The following LCOR variants were observed in gnomAD, a reference collection of about 807,000 sequenced individuals.
The protein encoded by LCOR is ligand dependent nuclear receptor corepressor.
A neutral mutation model predicts 64.4 loss-of-function variants in LCOR; 14 were observed. The ratio of observed to expected loss-of-function variants is 0.22; its 90% CI spans 0.14 to 0.34. The LOEUF is 0.34. LCOR is among the 10% of genes least tolerant of loss of function. LCOR has a pLI of 1.00. For synonymous variants in LCOR, 643 were observed against 642.5 expected (o/e 1.00, Z -0.01); for missense variants, 1,686 against 1,765.3 (o/e 0.96, Z 0.80).
In LCOR at chr10:96,990,447, G is replaced by A. The variant is rs1216257978; in HGVS notation, c.*5313G>A. ...GAGGTCTCACTGTGTTGCCCAGACT[G>A]GGAAGTCTTTTGAGGCAGCCTTCAA... On this transcript the variant is annotated 3_prime_UTR_variant, in exon 8 of 8. Coordinates refer to ENST00000421806, the MANE Select transcript of LCOR (RefSeq NM_001346516.2). The A allele has an allele frequency of 6.6e-6, 1 of 151,796 alleles. No homozygotes were observed. Among genetic ancestry groups the A allele is most frequent in the East Asian group, 1.9e-4 (1 of 5,182 alleles). The allele number at this position is 151,796 out of a possible 1,614,324, so 9.4% of individuals were successfully genotyped here. A position where few individuals can be genotyped will look rare whatever the true frequency, so the allele number is the denominator to read the frequency against.
intron 2 of LCOR, among the ~76,000 whole-genome samples, chr10:96,843,021 G>C (rs1200540956): frequency 6.6e-6 from 1 of 152,204 alleles, no homozygotes; most frequent in Non-Finnish European, 1.5e-5. Flanking sequence ...CACAGATTCA[G>C]TTTGATGATC....
Position 96,981,006 on chromosome 10 carries a change from G to C in LCOR, c.546G>C (p.Gln182His). 1.4e-6 allele frequency: 1 copy of C among 703,012 alleles called. No homozygotes were observed. The highest frequency in any genetic ancestry group is 1.5e-5 in the South Asian group (1 of 67,580). The allele number at this position is 703,012 out of a possible 1,614,324, so 43.5% of individuals were successfully genotyped here. The change falls in exon 8 of 8, where the codon CAG (glutamine) becomes CAC (histidine). Residue 182 changes from glutamine (Q) to histidine (H), a missense_variant. Around this residue, in one of 3 missense-constraint regions of LCOR, gnomAD observed 313 missense variants for 247.2 expected, o/e 1.27. Coordinates refer to ENST00000421806, the MANE Select transcript of LCOR (RefSeq NM_001346516.2). ...CCACTTGCAATGCTGGCTGTGCCCA[G>C]CTCAGCACCAAACATAAGGAAAAAG... is the stretch of plus-strand genomic sequence containing the variant. The part of the protein sequence containing the change: ...DVSTCNAGCA[Q>H]LSTKHKEKDA...
chr10:96,885,053 A>T (rs761590799), intron 2 of LCOR, among the ~76,000 whole-genome samples: 1 of 152,168 alleles, frequency 6.6e-6, no homozygotes, highest in Non-Finnish European at 1.5e-5. Flanking sequence ...TACTTCTCTG[A>T]ATAGTTTGGT....
chr10:96,968,541 T>G (rs1422150590), intron 7 of LCOR, among the ~76,000 whole-genome samples: 2 of 152,180 alleles, frequency 1.3e-5, no homozygotes, highest in Non-Finnish European at 2.9e-5. Context: ...TCAGCATTAA[T>G]AGGTGACTTT....
At position 96,954,805 on chromosome 10, in the gene LCOR, A is replaced by AT. The variant is rs959911653; in HGVS notation, c.332+2619dup. The AT allele has an allele frequency of 3.4e-3, 1,654 of 485,302 alleles. 2 individuals carry two copies. The highest frequency in any genetic ancestry group is 0.015 in the East Asian group (413 of 28,210). The allele number at this position is 485,302 out of a possible 1,614,324, so 30.1% of individuals were successfully genotyped here. On this transcript the variant is annotated intron_variant, in intron 7 of 7. Coordinates refer to ENST00000421806, the MANE Select transcript of LCOR (RefSeq NM_001346516.2). ...AGTTTTAAAACTAACTGCTGAGACCATTTTTTTTTTAATTTTAGAGAAAAA... is the reference window on the plus strand; with the variant it reads ...AGTTTTAAAACTAACTGCTGAGACCATTTTTTTTTTTAATTTTAGAGAAAAA...
intron 4 of LCOR, among the ~76,000 whole-genome samples, chr10:96,921,849 A>G (rs1235030526): frequency 6.6e-6 from 1 of 152,186 alleles, no homozygotes; most frequent in Non-Finnish European, 1.5e-5. Context: ...TCGTGTTGGT[A>G]CCCTTGTAGG....
chr10:96,915,020 A>G (rs1428272983), intron 4 of LCOR, among the ~76,000 whole-genome samples: 1 of 152,162 alleles, frequency 6.6e-6, no homozygotes, highest in Non-Finnish European at 1.5e-5. Context: ...CTATACCACA[A>G]GGCTTTTGTG....
At chr10:96,918,231 G>A (rs1032543120) in intron 4 of LCOR, among the ~76,000 whole-genome samples, 8 of 152,068 alleles carry the variant, frequency 5.3e-5, no homozygotes, top group Non-Finnish European at 8.8e-5. Context: ...TGTCTTCCTG[G>A]CCCCATACTC....
intron 4 of LCOR, chr10:96,915,955 C>G (rs965600726): frequency 1.5e-5 from 5 of 328,674 alleles, no homozygotes; most frequent in African/African-American, 2.1e-5. Flanking sequence ...TGCAGTGGTG[C>G]GTGGCCTTTG....
At chr10:96,912,776 T>C (rs1589650926) in intron 4 of LCOR, among the ~76,000 whole-genome samples, 1 of 152,094 alleles carries the variant, frequency 6.6e-6, no homozygotes, top group Admixed American at 6.5e-5. Context: ...TTGATGAACA[T>C]TGCCTGAAAA....
At chr10:96,897,024 CT>C (rs1160577805) in intron 2 of LCOR, among the ~76,000 whole-genome samples, 1 of 141,022 alleles carries the variant, frequency 7.1e-6, no homozygotes, top group African/African-American at 2.7e-5. Context: ...TTTGTTTTTA[CT>C]TAGTTAACTC....
chr10:96,887,661 G>A (rs2134427569), intron 2 of LCOR, among the ~76,000 whole-genome samples: 1 of 150,974 alleles, frequency 6.6e-6, no homozygotes, highest in South Asian at 2.1e-4. Flanking sequence ...ATGTGATTGA[G>A]TTGCAAGCTA....
At chr10:96,904,823 G>A (rs575301031) in intron 2 of LCOR, among the ~76,000 whole-genome samples, 1 of 152,216 alleles carries the variant, frequency 6.6e-6, no homozygotes, top group East Asian at 1.9e-4. Flanking sequence ...AGCATAGCAC[G>A]TCAGACATTC....
chr10:96,938,884 G>T (rs1243338917), intron 4 of LCOR, among the ~76,000 whole-genome samples: 3 of 152,186 alleles, frequency 2.0e-5, no homozygotes, highest in Admixed American at 2.0e-4. Flanking sequence ...TACATGGAAA[G>T]ACATGTTCAT....
intron 7 of LCOR, chr10:96,962,895 G>A (rs1847903111): frequency 6.6e-6 from 1 of 152,154 alleles, no homozygotes; most frequent in Non-Finnish European, 1.5e-5. Flanking sequence ...TAGGAATCCA[G>A]CTTGTACACA....
At chr10:96,898,009 G>A (rs1480605676) in intron 2 of LCOR, among the ~76,000 whole-genome samples, 1 of 151,696 alleles carries the variant, frequency 6.6e-6, no homozygotes, top group Non-Finnish European at 1.5e-5. Flanking sequence ...TAATGATGTA[G>A]GAATTAAAAA....
rs996247999 is a variant in LCOR, at chr10:96,858,889, C to A, written c.-330+25410C>A. Among the ~76,000 whole-genome samples, 3 of 152,046 alleles carry A rather than the reference C, an allele frequency of 2.0e-5. No individual in the cohort carries two copies. In the East Asian group the frequency reaches 5.8e-4, roughly 29 times the overall value. On this transcript the variant is annotated intron_variant, in intron 2 of 7. Transcript: ENST00000421806. Reference sequence around the variant, plus strand: ...GCCATCTGTGTCCATTACACAGATACAAATTATTCTTTCTCTACTGGCTCT... The same window carrying A: ...GCCATCTGTGTCCATTACACAGATAAAAATTATTCTTTCTCTACTGGCTCT...
intron 2 of LCOR, among the ~76,000 whole-genome samples, chr10:96,903,543 T>C (rs1262739524): frequency 2.0e-5 from 3 of 152,142 alleles, no homozygotes; most frequent in Non-Finnish European, 4.4e-5. Context: ...CTGAAACTAC[T>C]AGTCTCTGTA....
At position 96,984,142 on chromosome 10, in the gene LCOR, A is replaced by C; in HGVS notation, c.3682A>C (p.Ser1228Arg). The C allele has an allele frequency of 1.2e-6, 2 of 1,614,186 alleles. No homozygotes were observed. The highest frequency in any genetic ancestry group is 1.7e-6 in the Non-Finnish European group (2 of 1,180,028). The change falls in exon 8 of 8, where the codon AGT (serine) becomes CGT (arginine). Residue 1228 changes from serine (S) to arginine (R), a missense_variant. This residue lies in a region of LCOR where 1,293 missense variants were observed against 1,410.4 expected (regional missense o/e 0.92). Transcript: ENST00000421806. The stretch of plus-strand genomic sequence containing the variant: ...ATACGCTCCTTCCAGCCTATATCCC[A>C]GTTCACTACAGGCTGAGCGCTTGAA... ...QKYAPSSLYP[S>R]SLQAERLKKH...
Sources: allele counts gnomAD v4.1 joint callset (sites outside exome capture counted in the v4.1 genomes callset), GRCh38; gene constraint gnomAD v4.1.1; regional missense constraint gnomAD v4.1.1; transcripts MANE v1.5; gene names NCBI Gene and HGNC (gene_info 2026-07-23, HGNC 2026-07-21).